Variants in SLC16A12 observed in about 807,000 individuals in gnomAD.
SLC16A12 encodes the protein monocarboxylate transporter 12.
In SLC16A12, 17 loss-of-function variants were observed where a neutral mutation model predicts 42.4. The observed-to-expected ratio is 0.40, with a 90% CI of 0.27 to 0.60. The LOEUF (loss-of-function observed/expected upper bound fraction) is 0.60, where lower values mean the gene tolerates loss of function less well. Among genes scored for constraint, SLC16A12 ranks in the 20% least tolerant of loss-of-function variants. The pLI, the probability that SLC16A12 is intolerant of heterozygous loss-of-function variation, is 0.42. For missense variants in SLC16A12, 544 were observed against 623.0 expected, an observed-to-expected ratio of 0.87 and a Z score of 1.35; for synonymous variants, 224 against 229.4, an observed-to-expected ratio of 0.98 and a Z score of 0.21.
At chr10:89,553,335 T>C (rs1366612417) in intron 2 of SLC16A12, among the ~76,000 whole-genome samples, 3 of 152,180 alleles carry the variant, frequency 2.0e-5, no homozygotes, top group African/African-American at 7.2e-5. Context: ...TTTTTTGTCT[T>C]CTCATTAGCC....
chr10:89,550,250 G>T (rs1435390238), intron 2 of SLC16A12, among the ~76,000 whole-genome samples: 2 of 152,242 alleles, frequency 1.3e-5, no homozygotes, highest in East Asian at 3.9e-4. Context: ...AATTAGCACG[G>T]TGGCTCACAC....
chr10:89,523,972 C>A (rs1025750198), intron 2 of SLC16A12, among the ~76,000 whole-genome samples: 4 of 151,994 alleles, frequency 2.6e-5, no homozygotes, highest in Non-Finnish European at 5.9e-5. Flanking sequence ...GTTCTTCAAC[C>A]TGTTTCATAC....
At chr10:89,488,824 G>C (rs1350431578) in intron 2 of SLC16A12, among the ~76,000 whole-genome samples, 1 of 152,170 alleles carries the variant, frequency 6.6e-6, no homozygotes, top group Non-Finnish European at 1.5e-5. Flanking sequence ...CAGAGATATT[G>C]AGATCTGGTT....
chr10:89,472,005 T>C (rs1461361699), intron 2 of SLC16A12, among the ~76,000 whole-genome samples: 1 of 152,188 alleles, frequency 6.6e-6, no homozygotes. Context: ...AGGAATACTT[T>C]ATATATTCTA....
rs539956502 is a variant in SLC16A12, at chr10:89,504,545, T to A, written c.-47+29956A>T. ...TTTCCGCTTTTTCCAAGTTGGTACATACGGAACCATTATTGCTTTTGATGT... is the reference window on the plus strand; with the variant it reads ...TTTCCGCTTTTTCCAAGTTGGTACAAACGGAACCATTATTGCTTTTGATGT... On this transcript the variant is annotated intron_variant, in intron 2 of 7. Transcript: ENST00000371790. 3.9e-5 allele frequency among the ~76,000 whole-genome samples: 6 copies of A among 152,308 alleles called. No homozygotes were observed. The South Asian group carries it at 1.0e-3, about 26-fold the overall frequency.
At chr10:89,453,530 C>T (rs1589670693) in intron 3 of SLC16A12, among the ~76,000 whole-genome samples, 2 of 151,990 alleles carry the variant, frequency 1.3e-5, no homozygotes, top group South Asian at 2.1e-4. Flanking sequence ...AAGCACTTAC[C>T]ATTGTGTTAC....
chr10:89,513,192 G>A (rs186429624), intron 2 of SLC16A12, among the ~76,000 whole-genome samples: 15 of 152,058 alleles, frequency 9.9e-5, no homozygotes, highest in Admixed American at 2.0e-4. Flanking sequence ...AAATGAAACC[G>A]CGATCATTTA....
At chr10:89,531,940 A>T (rs903989137) in intron 2 of SLC16A12, among the ~76,000 whole-genome samples, 2 of 152,054 alleles carry the variant, frequency 1.3e-5, no homozygotes, top group African/African-American at 2.4e-5. Context: ...TGCATCTCTT[A>T]TGGTAGTTTG....
chr10:89,540,014 T>C (rs192839761), upstream of SLC16A12, among the ~76,000 whole-genome samples: 29 of 150,548 alleles, frequency 1.9e-4, no homozygotes, highest in African/African-American at 6.8e-4. Context: ...TCCTTCCTTC[T>C]TTCCTTCCTT....
At chr10:89,521,285 A>T (rs906055994) in intron 2 of SLC16A12, among the ~76,000 whole-genome samples, 7 of 152,336 alleles carry the variant, frequency 4.6e-5, no homozygotes, top group African/African-American at 1.7e-4. Flanking sequence ...TCTGTTCCTT[A>T]CACCCCAAAA....
chr10:89,446,720 CTA>C (rs1842008456), intron 3 of SLC16A12, among the ~76,000 whole-genome samples: 1 of 152,166 alleles, frequency 6.6e-6, no homozygotes, highest in African/African-American at 2.4e-5. Flanking sequence ...AAATAACCAG[CTA>C]ACATTGTAAT....
intron 4 of SLC16A12, among the ~76,000 whole-genome samples, chr10:89,442,063 A>G (rs1339998662): frequency 6.6e-6 from 1 of 152,182 alleles, no homozygotes; most frequent in African/African-American, 2.4e-5. Flanking sequence ...ATTTCCTTCT[A>G]AGGAAAAATT....
In SLC16A12 at chr10:89,518,383, G is replaced by T. The variant is rs535037044; in HGVS notation, c.-47+16118C>A. ...AGGTAGGTCCTGGAGAAGACAAGTC[G>T]TGCCCTAACCCCAGCAGCTGTTCTG... On this transcript the variant is annotated intron_variant, in intron 2 of 7. Transcript: ENST00000371790. Among the ~76,000 whole-genome samples the T allele has an allele frequency of 1.8e-4, 28 of 152,138 alleles. 1 individual carries two copies. The highest frequency in any genetic ancestry group is 1.8e-3 in the Admixed American group (28 of 15,272).
chr10:89,445,029 G>A (rs1028494344), intron 3 of SLC16A12, among the ~76,000 whole-genome samples: 4 of 152,236 alleles, frequency 2.6e-5, no homozygotes, highest in Non-Finnish European at 2.9e-5. Context: ...ACTGTGAGGC[G>A]GCAGCCCGGC....
chr10:89,532,366 A>G (rs1335351326), intron 2 of SLC16A12, among the ~76,000 whole-genome samples: 2 of 152,184 alleles, frequency 1.3e-5, no homozygotes, highest in Non-Finnish European at 2.9e-5. Flanking sequence ...TTCAACAGAC[A>G]CCACCTTCAA....
upstream of SLC16A12, chr10:89,535,631 C>A (rs1300653945): frequency 6.6e-6 from 1 of 152,314 alleles, no homozygotes; most frequent in Non-Finnish European, 1.5e-5. Context: ...CCCCCATGCC[C>A]CGCCCGCCCT....
Position 89,436,245 on chromosome 10 carries a change from G to A in SLC16A12, c.1103C>T (p.Pro368Leu), listed in dbSNP as rs1301987695. The change falls in exon 7 of 8, where the codon CCA becomes CTA. Residue 368 changes from proline to leucine, a missense_variant. Transcript: ENST00000371790. ...GMDGLCYLCL[P>L]MLQSLPLLVP... ...GAGCAGAGGGAGACTTTGAAGCATT[G>A]GGAGGCAGAGATAGCAGAGCCCATC... 1.9e-6 allele frequency: 3 copies of A among 1,613,978 alleles called. No homozygotes were observed. Among genetic ancestry groups the A allele is most frequent in the Non-Finnish European group, 2.5e-6 (3 of 1,180,002 alleles).
intron 2 of SLC16A12, among the ~76,000 whole-genome samples, chr10:89,511,947 T>A (rs1340924514): frequency 6.6e-6 from 1 of 152,166 alleles, no homozygotes; most frequent in Non-Finnish European, 1.5e-5. Context: ...AGGCAAAATG[T>A]GGCACATAAT....
At chr10:89,440,359 G>A (rs1430318390) in intron 5 of SLC16A12, among the ~76,000 whole-genome samples, 1 of 152,128 alleles carries the variant, frequency 6.6e-6, no homozygotes, top group Non-Finnish European at 1.5e-5. Context: ...AGGGTCTTTG[G>A]GTTACTAGGG....
Sources: allele counts gnomAD v4.1 joint callset (sites outside exome capture counted in the v4.1 genomes callset), GRCh38; gene constraint gnomAD v4.1.1; transcripts MANE v1.5; gene names NCBI Gene and HGNC (gene_info 2026-07-23, HGNC 2026-07-21).